NCK2: variants seen among roughly 807,000 people sequenced by gnomAD.
NCK2 encodes NCK adaptor protein 2, also known as cytoplasmic protein NCK2.
Under a neutral mutation model 33.9 loss-of-function variants are expected in NCK2, and 16 were observed. The ratio of observed to expected loss-of-function variants is 0.47; its 90% CI spans 0.32 to 0.72. The LOEUF is 0.72. Among genes scored for constraint, NCK2 ranks in the 30% least tolerant of loss-of-function variants. The pLI is 0.03. For missense variants in NCK2, 418 were observed against 537.3 expected (o/e 0.78, Z 2.19); for synonymous variants, 273 against 239.9 (o/e 1.14, Z -1.27).
At chr2:105,856,309 C>T (rs1229329368) in intron 3 of NCK2, among the ~76,000 whole-genome samples, 1 of 137,540 alleles carries the variant, frequency 7.3e-6, no homozygotes, top group East Asian at 2.2e-4. Flanking sequence ...TGAAGAATGA[C>T]TCATCTGAGC....
chr2:105,760,095 T>G (rs1005849300), intron 1 of NCK2, among the ~76,000 whole-genome samples: 2 of 152,180 alleles, frequency 1.3e-5, no homozygotes, highest in Admixed American at 1.3e-4. Flanking sequence ...GGAGGTCATT[T>G]AAGGAAGAGG....
At chr2:105,766,043 T>C (rs752905710) in intron 1 of NCK2, among the ~76,000 whole-genome samples, 3 of 152,176 alleles carry the variant, frequency 2.0e-5, no homozygotes, top group Non-Finnish European at 4.4e-5. Context: ...CTTTGCTTCC[T>C]GCCAAGCAGG....
At chr2:105,765,835 GTC>G (rs796948175) in intron 1 of NCK2, among the ~76,000 whole-genome samples, 35 of 151,798 alleles carry the variant, frequency 2.3e-4, no homozygotes, top group South Asian at 1.2e-3. Flanking sequence ...GTGTGTGTAA[GTC>G]TGTGGAGGTA....
At chr2:105,835,424 T>TATATATA (rs1553458625) in intron 2 of NCK2, among the ~76,000 whole-genome samples, 1 of 122,544 alleles carries the variant, frequency 8.2e-6, no homozygotes, top group Non-Finnish European at 1.8e-5. Context: ...TATATATATA[T>TATATATA]TTTTTTTTTG....
intron 3 of NCK2, among the ~76,000 whole-genome samples, chr2:105,863,877 A>C (rs888235437): frequency 1.3e-5 from 2 of 152,150 alleles, no homozygotes; most frequent in Non-Finnish European, 2.9e-5. Flanking sequence ...TCGTCTGTAT[A>C]ACGGGATACG....
intron 4 of NCK2, among the ~76,000 whole-genome samples, chr2:105,888,097 G>A (rs1378176693): frequency 6.6e-6 from 1 of 152,150 alleles, no homozygotes; most frequent in African/African-American, 2.4e-5. Context: ...AGAATCTAAA[G>A]CCTAAACAAA....
chr2:105,786,573 C>T (rs1174956550), intron 1 of NCK2, among the ~76,000 whole-genome samples: 2 of 152,304 alleles, frequency 1.3e-5, no homozygotes, highest in African/African-American at 2.4e-5. Flanking sequence ...GAGGTAATGC[C>T]GGCCTCGCGC....
chr2:105,755,220 G>C (rs1442009379), intron 1 of NCK2, among the ~76,000 whole-genome samples: 1 of 152,114 alleles, frequency 6.6e-6, no homozygotes, highest in African/African-American at 2.4e-5. Context: ...TATTTTACAT[G>C]GTTCGGTAGA....
At chr2:105,800,859 C>T (rs990618498) in intron 1 of NCK2, among the ~76,000 whole-genome samples, 1 of 152,170 alleles carries the variant, frequency 6.6e-6, no homozygotes, top group Non-Finnish European at 1.5e-5. Context: ...GAGCACCTTG[C>T]TGCTTTTCAA....
At chr2:105,801,800 G>A (rs1179249514) in intron 1 of NCK2, among the ~76,000 whole-genome samples, 1 of 152,070 alleles carries the variant, frequency 6.6e-6, no homozygotes, top group African/African-American at 2.4e-5. Context: ...CTGTGAGTGT[G>A]CACCAAAAGC....
intron 2 of NCK2, among the ~76,000 whole-genome samples, chr2:105,826,733 C>T (rs1444890851): frequency 2.0e-5 from 3 of 152,074 alleles, no homozygotes; most frequent in Non-Finnish European, 4.4e-5. Context: ...AAGTAAGTAT[C>T]CTTTCCTCTG....
At chr2:105,801,735 C>T (rs1211040094) in intron 1 of NCK2, among the ~76,000 whole-genome samples, 1 of 151,900 alleles carries the variant, frequency 6.6e-6, no homozygotes, top group Non-Finnish European at 1.5e-5. Flanking sequence ...CGGCTCAGTC[C>T]CTTTAATAAT....
At chr2:105,838,358 A>G (rs946577039) in intron 2 of NCK2, among the ~76,000 whole-genome samples, 1 of 150,388 alleles carries the variant, frequency 6.6e-6, no homozygotes, top group African/African-American at 2.4e-5. Flanking sequence ...TTGCCTTCTC[A>G]GTCATTTAAT....
chr2:105,843,107 T>G (rs1676712916), intron 2 of NCK2, among the ~76,000 whole-genome samples: 1 of 152,120 alleles, frequency 6.6e-6, no homozygotes, highest in Non-Finnish European at 1.5e-5. Context: ...ATTCAGAATT[T>G]TTTGAGGTTT....
intron 1 of NCK2, among the ~76,000 whole-genome samples, chr2:105,795,988 C>A (rs966827130): frequency 2.6e-5 from 4 of 152,168 alleles, no homozygotes; most frequent in African/African-American, 9.7e-5. Context: ...GTAAAAAGAG[C>A]AAAACAGTTT....
At chr2:105,873,013 G>T (rs1202242222) in intron 3 of NCK2, among the ~76,000 whole-genome samples, 1 of 152,144 alleles carries the variant, frequency 6.6e-6, no homozygotes, top group African/African-American at 2.4e-5. Context: ...AGTGGCATCT[G>T]GTGCCCTCAC....
chr2:105,821,187 A>G (rs1410167330), intron 2 of NCK2, among the ~76,000 whole-genome samples: 1 of 152,116 alleles, frequency 6.6e-6, no homozygotes, highest in Non-Finnish European at 1.5e-5. Context: ...GGAATTTACT[A>G]CTCACTTTTA....
intron 1 of NCK2, among the ~76,000 whole-genome samples, chr2:105,808,077 A>G (rs1675152123): frequency 6.6e-6 from 1 of 151,874 alleles, no homozygotes; most frequent in African/African-American, 2.4e-5. Flanking sequence ...TAGTTTTTGT[A>G]TTTTTGGTAG....
At chr2:105,816,122 G>A (rs1459258481) in intron 1 of NCK2, among the ~76,000 whole-genome samples, 1 of 152,116 alleles carries the variant, frequency 6.6e-6, no homozygotes, top group African/African-American at 2.4e-5. Context: ...CTTTAATCTG[G>A]GATATATTTA....
Sources: allele counts gnomAD v4.1 joint callset (sites outside exome capture counted in the v4.1 genomes callset), GRCh38; gene constraint gnomAD v4.1.1; transcripts MANE v1.5; gene names NCBI Gene and HGNC (gene_info 2026-07-23, HGNC 2026-07-21).